The following DHDH variants were observed in gnomAD, a reference collection of about 807,000 sequenced individuals.
DHDH encodes trans-1,2-dihydrobenzene-1,2-diol dehydrogenase.
Under a neutral mutation model 33.2 loss-of-function variants are expected in DHDH, and 29 were observed. That is an observed-to-expected ratio of 0.87 (90% CI 0.65 to 1.19). The LOEUF (loss-of-function observed/expected upper bound fraction) is 1.19, where lower values mean the gene tolerates loss of function less well. Among genes scored for constraint, DHDH ranks in the 50% most tolerant of loss-of-function variants. The pLI, the probability that DHDH is intolerant of heterozygous loss-of-function variation, is 0.00. For synonymous variants in DHDH, 201 were observed against 187.9 expected, an observed-to-expected ratio of 1.07 and a Z score of -0.57; for missense variants, 431 against 455.0, an observed-to-expected ratio of 0.95 and a Z score of 0.48.
At chr19:48,937,967 G>A (rs539936690) in intron 3 of DHDH, among the ~76,000 whole-genome samples, 2 of 152,092 alleles carry the variant, frequency 1.3e-5, no homozygotes, top group East Asian at 1.9e-4. Flanking sequence ...GGGTGTCACC[G>A]TCCCGGCTGT....
At position 48,944,289 on chromosome 19, in the gene DHDH, T is replaced by C. The variant is rs1035836943; in HGVS notation, c.745-68T>C. 13 of 1,606,464 alleles carry C rather than the reference T, an allele frequency of 8.1e-6. No homozygotes were observed. In the East Asian group the frequency reaches 2.2e-4, roughly 28 times the overall value. ...GGAGGCCCCTGTGCACCACCTGGCA[T>C]GTTCCTGGAGGCAGCCTCAGCAGCA... On this transcript the variant is annotated intron_variant, in intron 5 of 6. Coordinates refer to ENST00000221403, the MANE Select transcript of DHDH (RefSeq NM_014475.4).
At chr19:48,934,467 T>G (rs1428107840) in intron 1 of DHDH, among the ~76,000 whole-genome samples, 3 of 152,210 alleles carry the variant, frequency 2.0e-5, no homozygotes, top group African/African-American at 7.2e-5. Flanking sequence ...TTCTGTCTCC[T>G]GCTCTCCCTG....
chr19:48,942,572 A>AT lies in DHDH; in HGVS notation c.744+9dup. The stretch of plus-strand genomic sequence containing the variant: ...ACCAAGGGCATGGTACAGGTGAGGC[A>AT]TGGCGGGCCCAAGCGCTGGGGATCG... On this transcript the variant is annotated intron_variant, in intron 5 of 6. Coordinates refer to ENST00000221403, the MANE Select transcript of DHDH (RefSeq NM_014475.4). 1 of 1,609,614 alleles carries AT rather than the reference A, an allele frequency of 6.2e-7. No individual in the cohort carries two copies.
chr19:48,944,806 A>C lies in DHDH; in HGVS notation c.896-18A>C. On this transcript the variant is annotated intron_variant, in intron 6 of 6. Coordinates refer to ENST00000221403, the MANE Select transcript of DHDH (RefSeq NM_014475.4). ...GGCGCGTGGGTAGGAGGGGTCCCTA[A>C]CTACACTCTCCCCACAGGTATGAAG... 1 of 1,608,220 alleles carries C rather than the reference A, an allele frequency of 6.2e-7. No homozygotes were observed. Among genetic ancestry groups the C allele is most frequent in the East Asian group, 2.2e-5 (1 of 44,858 alleles).
intron 3 of DHDH, among the ~76,000 whole-genome samples, chr19:48,938,739 G>A (rs527700859): frequency 2.1e-4 from 32 of 151,052 alleles, no homozygotes; most frequent in African/African-American, 7.5e-4. Context: ...TCCACCTCCC[G>A]GGTTCAAGCA....
intron 5 of DHDH, among the ~76,000 whole-genome samples, chr19:48,943,887 C>T (rs1362673549): frequency 2.6e-5 from 4 of 151,210 alleles, no homozygotes; most frequent in African/African-American, 4.9e-5. Flanking sequence ...CCCAGCTACT[C>T]GGGAGGCTGA....
At chr19:48,937,446 C>G (rs914997102) in intron 3 of DHDH, among the ~76,000 whole-genome samples, 1 of 152,100 alleles carries the variant, frequency 6.6e-6, no homozygotes, top group Non-Finnish European at 1.5e-5. Flanking sequence ...GAGGCCGAGG[C>G]GGGCAGATCA....
intron 5 of DHDH, 62 bp downstream of exon 5, chr19:48,942,626 G>C: frequency 3.2e-6 from 5 of 1,566,844 alleles, no homozygotes; most frequent in Non-Finnish European, 4.3e-6. Context: ...GGGACAAATG[G>C]CCTCTGGAGC....
chr19:48,944,075 C>T (rs979413394), intron 5 of DHDH, among the ~76,000 whole-genome samples: 1 of 152,150 alleles, frequency 6.6e-6, no homozygotes, highest in Non-Finnish European at 1.5e-5. Flanking sequence ...GCCCTCCTCT[C>T]TAGACCTTAA....
At chr19:48,933,579 G>T (rs893378590), upstream of DHDH, 2 of 719,176 alleles carry the variant, frequency 2.8e-6, no homozygotes, top group Non-Finnish European at 4.8e-6. Flanking sequence ...CTAAATGACC[G>T]CTCTGCCGAC....
At chr19:48,938,797 C>A (rs2037816889) in intron 3 of DHDH, among the ~76,000 whole-genome samples, 2 of 152,080 alleles carry the variant, frequency 1.3e-5, no homozygotes, top group Admixed American at 1.3e-4. Flanking sequence ...AGGCGTGCGC[C>A]ATCACGCCCA....
chr19:48,942,631 T>C, intron 5 of DHDH, 67 bp downstream of exon 5: 4 of 1,553,134 alleles, frequency 2.6e-6, no homozygotes, highest in Non-Finnish European at 3.5e-6. Context: ...AAATGGCCTC[T>C]GGAGCTAGAT....
intron 5 of DHDH, among the ~76,000 whole-genome samples, chr19:48,943,012 GCCATTACATT>G (rs2037886351): frequency 6.7e-6 from 1 of 148,606 alleles, no homozygotes; most frequent in Admixed American, 6.8e-5. Flanking sequence ...TTGAGATTAC[GCCATTACATT>G]CCAGCCTGGG....
At chr19:48,939,313 T>A in intron 3 of DHDH, 136 bp from the exon 4 acceptor site, 1 of 994,494 alleles carries the variant, frequency 1.0e-6, no homozygotes, top group South Asian at 1.9e-5. Context: ...GTCAAGAGGG[T>A]CAGGAGCAAG....
intron 5 of DHDH, among the ~76,000 whole-genome samples, chr19:48,942,784 G>T (rs185627641): frequency 1.5e-3 from 224 of 152,236 alleles, no homozygotes; most frequent in African/African-American, 4.1e-3. Flanking sequence ...GGCTGGCACG[G>T]TGGCTCACGT....
At chr19:48,942,312 A>G (rs2037875176) in intron 4 of DHDH, 128 bp from the exon 5 acceptor site, 3 of 1,113,308 alleles carry the variant, frequency 2.7e-6, no homozygotes, top group Non-Finnish European at 3.7e-6. Context: ...CCAGCACTTC[A>G]TTCTTTTGCC....
chr19:48,936,422 C>T (rs1435116227), intron 3 of DHDH, among the ~76,000 whole-genome samples: 1 of 152,046 alleles, frequency 6.6e-6, no homozygotes, highest in Non-Finnish European at 1.5e-5. Flanking sequence ...GCCGGCCGGG[C>T]GCGGTGGCTC....
chr19:48,937,073 C>T (rs561487588), intron 3 of DHDH, among the ~76,000 whole-genome samples: 85 of 152,098 alleles, frequency 5.6e-4, no homozygotes, highest in African/African-American at 1.9e-3. Flanking sequence ...CGTGAGCCAC[C>T]GCGCCCGGCC....
chr19:48,934,567 T>C (rs1600080473), intron 1 of DHDH, among the ~76,000 whole-genome samples: 1 of 152,212 alleles, frequency 6.6e-6, no homozygotes, highest in Admixed American at 6.5e-5. Flanking sequence ...AGGCGAGATA[T>C]GCTGGCAGTG....
Sources: gnomAD v4.1 joint callset for allele counts (sites outside exome capture counted in the v4.1 genomes callset) on GRCh38, gnomAD v4.1.1 for gene constraint, MANE v1.5 for transcripts, NCBI Gene and HGNC (gene_info 2026-07-23, HGNC 2026-07-21) for gene names.